The following SGCD variants were observed in gnomAD, a reference collection of about 807,000 sequenced individuals.
SGCD encodes sarcoglycan delta, also known as delta-sarcoglycan.
A neutral mutation model predicts 36.6 loss-of-function variants in SGCD; 18 were observed. The ratio of observed to expected loss-of-function variants is 0.49; its 90% confidence interval spans 0.34 to 0.73. The LOEUF is 0.73. SGCD is among the 30% of genes least tolerant of loss of function. The probability of loss-of-function intolerance (pLI) is 0.01; values close to 1 mark genes in which losing one functional copy is unlikely to be tolerated. For missense variants in SGCD, 387 were observed against 346.7 expected (o/e 1.12, Z -0.92); for synonymous variants, 133 against 130.6 (o/e 1.02, Z -0.12).
In SGCD at chr5:155,919,395, G is replaced by A. The variant is rs115749932; in HGVS notation, c.-282+48971G>A. Reference sequence around the variant, plus strand: ...AATGGTACAAAACTTGCATTGCAGAGAGGGATTTGCCTCAGATGAAAGAAA... The same window carrying A: ...AATGGTACAAAACTTGCATTGCAGAAAGGGATTTGCCTCAGATGAAAGAAA... On this transcript the variant is annotated intron_variant, in intron 1 of 9. Coordinates refer to the SGCD transcript ENST00000517913. Among the ~76,000 whole-genome samples the A allele has an allele frequency of 2.0e-3, 308 of 152,308 alleles. 1 individual carries two copies. Among genetic ancestry groups the A allele is most frequent in the African/African-American group, 7.1e-3 (294 of 41,560 alleles).
chr5:156,341,136 C>T (rs554853684), intron 2 of SGCD, among the ~76,000 whole-genome samples: 131 of 152,154 alleles, frequency 8.6e-4, no homozygotes, highest in Non-Finnish European at 1.5e-3. Context: ...AGTTATAATT[C>T]CTGCTCAGCT....
At chr5:156,031,985 G>A (rs560371735) in intron 1 of SGCD, among the ~76,000 whole-genome samples, 2 of 152,188 alleles carry the variant, frequency 1.3e-5, no homozygotes, top group South Asian at 2.1e-4. Context: ...GATATAGATA[G>A]ATAATCATAA....
chr5:155,848,044 T>G, the SGCD span, among the ~76,000 whole-genome samples: 71 of 152,310 alleles, frequency 4.7e-4, no homozygotes, highest in South Asian at 6.6e-3. Context: ...GGAGGTCAAT[T>G]AATTTTAGAT....
chr5:156,752,694 G>A (rs1035958181), intron 7 of SGCD, among the ~76,000 whole-genome samples: 1 of 152,118 alleles, frequency 6.6e-6, no homozygotes, highest in Non-Finnish European at 1.5e-5. Context: ...GTGCCGGCCA[G>A]CATTATCATT....
intron 3 of SGCD, among the ~76,000 whole-genome samples, chr5:156,202,777 T>G (rs1764181765): frequency 6.9e-6 from 1 of 145,262 alleles, no homozygotes; most frequent in South Asian, 2.2e-4. Flanking sequence ...TTTTTTCAAT[T>G]AAAAAGACTG....
At chr5:156,219,010 C>T (rs1764651929) in intron 3 of SGCD, among the ~76,000 whole-genome samples, 2 of 152,128 alleles carry the variant, frequency 1.3e-5, no homozygotes, top group South Asian at 4.1e-4. Context: ...AGAAATGTGT[C>T]ATCACCTCAA....
chr5:156,607,304 C>T (rs1761515732), intron 6 of SGCD, among the ~76,000 whole-genome samples: 1 of 152,092 alleles, frequency 6.6e-6, no homozygotes, highest in South Asian at 2.1e-4. Flanking sequence ...TTGAGATAGT[C>T]ATGTGGTTTT....
chr5:156,463,332 G>C (rs956270807), intron 3 of SGCD, among the ~76,000 whole-genome samples: 4 of 151,974 alleles, frequency 2.6e-5, no homozygotes, highest in Non-Finnish European at 4.4e-5. Context: ...ATGAGCCACC[G>C]TGCCCAGCCT....
chr5:156,558,235 G>C (rs1759121822), intron 4 of SGCD, among the ~76,000 whole-genome samples: 1 of 150,998 alleles, frequency 6.6e-6, no homozygotes. Flanking sequence ...TGAGTCTTTG[G>C]CCAAGTTACT....
At chr5:156,691,216 A>AAAAAAAAC (rs1754096940) in intron 7 of SGCD, among the ~76,000 whole-genome samples, 1 of 150,564 alleles carries the variant, frequency 6.6e-6, no homozygotes, top group African/African-American at 2.4e-5. Context: ...CAAAAAAAAA[A>AAAAAAAAC]AAAAAAAAAA....
In SGCD at chr5:156,420,551, T is replaced by TA. The variant is rs201127171; in HGVS notation, c.192+75879dup. On this transcript the variant is annotated intron_variant, in intron 3 of 8. Coordinates refer to ENST00000337851, the MANE Select transcript of SGCD (RefSeq NM_000337.6). ...GCCTGATATTTCTGTATAATTTGCATAAAAATCCATCTGAACTGAAGCCAA... is the reference window on the plus strand; with the variant it reads ...GCCTGATATTTCTGTATAATTTGCATAAAAAATCCATCTGAACTGAAGCCAA... Among the ~76,000 whole-genome samples, 1,051 of 152,256 alleles carry TA rather than the reference T, an allele frequency of 6.9e-3. 10 individuals carry two copies. The highest frequency in any genetic ancestry group is 0.024 in the African/African-American group (992 of 41,564).
chr5:156,398,271 G>GA (rs1402089440), intron 3 of SGCD, among the ~76,000 whole-genome samples: 1 of 152,154 alleles, frequency 6.6e-6, no homozygotes, highest in Non-Finnish European at 1.5e-5. Flanking sequence ...TACTTGAAGG[G>GA]AAAAAGCAGT....
At chr5:156,327,148 A>G (rs1308080669), upstream of SGCD, 1 of 152,136 alleles carries the variant, frequency 6.6e-6, no homozygotes, top group Non-Finnish European at 1.5e-5. Flanking sequence ...CAGCGGGCCG[A>G]GTGGCCACCT....
chr5:156,719,868 C>A (rs1346270801), intron 7 of SGCD, among the ~76,000 whole-genome samples: 1 of 149,846 alleles, frequency 6.7e-6, no homozygotes, highest in Non-Finnish European at 1.5e-5. Flanking sequence ...TGTTTCCAAA[C>A]CCCAATGTAG....
chr5:156,216,168 G>A (rs538454344), intron 3 of SGCD, among the ~76,000 whole-genome samples: 12 of 152,256 alleles, frequency 7.9e-5, no homozygotes, highest in Middle Eastern at 3.4e-3. Flanking sequence ...TTAAGAGGCT[G>A]GGGAGAGAGT....
At chr5:156,581,320 G>A (rs536877498) in intron 4 of SGCD, among the ~76,000 whole-genome samples, 19 of 152,276 alleles carry the variant, frequency 1.2e-4, no homozygotes, top group Non-Finnish European at 2.4e-4. Flanking sequence ...CTGCCTGTAT[G>A]AGGTGTTAGT....
intron 1 of SGCD, among the ~76,000 whole-genome samples, chr5:155,971,953 G>A (rs765543871): frequency 2.0e-5 from 3 of 152,138 alleles, no homozygotes; most frequent in South Asian, 2.1e-4. Context: ...TATTTAAAAA[G>A]CACTCTTCTA....
At chr5:155,825,731 T>TTG in the SGCD span, among the ~76,000 whole-genome samples, 1 of 33,086 alleles carries the variant, frequency 3.0e-5, no homozygotes, top group South Asian at 7.6e-4. Flanking sequence ...ATTATTTGTT[T>TTG]TTTTTTTTTT....
rs1002842067 is a variant in SGCD, at chr5:156,766,945, A to G, written c.*7555A>G. ...GTGGATAGAGCTCCTCACCATACCCAAAAGACTCAGCCCCAGTGCCAGTGC... is the reference window on the plus strand; with the variant it reads ...GTGGATAGAGCTCCTCACCATACCCGAAAGACTCAGCCCCAGTGCCAGTGC... On this transcript the variant is annotated 3_prime_UTR_variant, in exon 9 of 9. Coordinates refer to ENST00000337851, the MANE Select transcript of SGCD (RefSeq NM_000337.6). The G allele has an allele frequency of 6.6e-6, 1 of 152,166 alleles. No homozygotes were observed. The highest frequency in any genetic ancestry group is 1.5e-5 in the Non-Finnish European group (1 of 68,070). 9.4% of individuals were successfully genotyped at this position (152,166 alleles called of 1,614,324 possible).
Sources: gnomAD v4.1 joint callset for allele counts (sites outside exome capture counted in the v4.1 genomes callset) on GRCh38, gnomAD v4.1.1 for gene constraint, MANE v1.5 for transcripts, NCBI Gene and HGNC (gene_info 2026-07-23, HGNC 2026-07-21) for gene names.